Variants in MCF2L observed in about 807,000 individuals in gnomAD.
MCF2L encodes guanine nucleotide exchange factor DBS.
A neutral mutation model predicts 153.4 loss-of-function variants in MCF2L; 97 were observed. The ratio of observed to expected loss-of-function variants is 0.63; its 90% confidence interval spans 0.54 to 0.75. The LOEUF is 0.75. MCF2L is among the 30% of genes least tolerant of loss of function. The pLI is 0.00. For synonymous variants in MCF2L, 659 were observed against 632.2 expected (o/e 1.04, Z -0.64); for missense variants, 1,347 against 1,495.2 (o/e 0.90, Z 1.64).
chr13:113,045,326 T>A lies in MCF2L; in HGVS notation c.334T>A (p.Trp112Arg). 6.2e-7 allele frequency: 1 copy of A among 1,614,038 alleles called. No homozygotes were observed. The highest frequency in any genetic ancestry group is 8.5e-7 in the Non-Finnish European group (1 of 1,180,020). The change falls in exon 4 of 30, where the codon TGG becomes AGG. Residue 112 changes from tryptophan (W) to arginine (R), a missense_variant. Around this residue, in one of 3 missense-constraint regions of MCF2L, gnomAD observed 820 missense variants for 921.2 expected, o/e 0.89. Coordinates refer to ENST00000535094, the MANE Select transcript of MCF2L (RefSeq NM_001112732.3). The surrounding 1 kb of genome is among the most constrained non-coding windows in gnomAD (Gnocchi z 4.2). The part of the protein sequence containing the change: ...ILVIDRRRDK[W>R]TSVKASVLRI... ...GGTGATAGACCGGCGACGGGACAAA[T>A]GGACCTCCGTGAAGGCGTCCGTCCT...
At chr13:113,089,505 AG>A (rs1222177293) in intron 25 of MCF2L, 104 bp from the exon 26 acceptor site, 5 of 754,178 alleles carry the variant, frequency 6.6e-6, no homozygotes, top group Non-Finnish European at 1.2e-5. Flanking sequence ...CTTTAGGATC[AG>A]GCCGGGAGCT....
chr13:113,008,377 G>A (rs1440094616), intron 1 of MCF2L, among the ~76,000 whole-genome samples: 2 of 152,314 alleles, frequency 1.3e-5, no homozygotes, highest in African/African-American at 4.8e-5. Context: ...CTGGACTCCA[G>A]CAGTCACCCT....
At chr13:113,076,981 T>C in intron 12 of MCF2L, 71 bp from the exon 13 acceptor site, 1 of 1,514,004 alleles carries the variant, frequency 6.6e-7, no homozygotes, top group Non-Finnish European at 9.0e-7. Context: ...CGGCACGTTC[T>C]GCGCCTGACT....
intron 2 of MCF2L, among the ~76,000 whole-genome samples, chr13:112,940,585 C>T (rs1283963017): frequency 6.6e-6 from 1 of 152,246 alleles, no homozygotes; most frequent in Non-Finnish European, 1.5e-5. Flanking sequence ...TCCATTTTGA[C>T]TTTGAAACCT....
At chr13:113,032,973 A>C (rs1308112580) in intron 3 of MCF2L, among the ~76,000 whole-genome samples, 42 of 103,798 alleles carry the variant, frequency 4.0e-4, no homozygotes, top group East Asian at 2.5e-3. Context: ...ATGTGAGTGG[A>C]CCCTGTGATG....
chr13:113,064,258 C>A lies in MCF2L; in HGVS notation c.490-46C>A. 2 of 1,395,762 alleles carry A rather than the reference C, an allele frequency of 1.4e-6. No homozygotes were observed. The highest frequency in any genetic ancestry group is 2.0e-6 in the Non-Finnish European group (2 of 983,500). The allele number at this position is 1,395,762 out of a possible 1,614,324, so 86.5% of individuals were successfully genotyped here. On this transcript the variant is annotated intron_variant, in intron 5 of 29. Coordinates refer to ENST00000535094, the MANE Select transcript of MCF2L (RefSeq NM_001112732.3). This position sits in a 1 kb window ranked among gnomAD's most constrained non-coding sequence, Gnocchi z 6.0. ...GCTGATGGGGCAGCTCTTTTGGGAGCCAACAATAATCCCAAACACTACCAC... is the reference window on the plus strand; with the variant it reads ...GCTGATGGGGCAGCTCTTTTGGGAGACAACAATAATCCCAAACACTACCAC...
chr13:113,038,165 T>A (rs1303682402), intron 3 of MCF2L, among the ~76,000 whole-genome samples: 2 of 152,128 alleles, frequency 1.3e-5, no homozygotes, highest in African/African-American at 2.4e-5. Context: ...TGCAAAATGT[T>A]ATTGAAAGAA....
intron 2 of MCF2L, 71 bp downstream of exon 2, chr13:113,014,917 G>A (rs1241548460): frequency 1.1e-5 from 16 of 1,424,644 alleles, no homozygotes; most frequent in East Asian, 6.9e-5. Context: ...AGCAGCCCCC[G>A]TGGCCTGGCC....
In MCF2L at chr13:113,060,640, G is replaced by A. The variant is rs141848502; in HGVS notation, c.417G>A (p.Thr139=). 9.3e-6 allele frequency: 15 copies of A among 1,613,642 alleles called. No homozygotes were observed. The highest frequency in any genetic ancestry group is 1.2e-5 in the Non-Finnish European group (14 of 1,179,984). The part of the protein sequence containing the change: ...NLQLVLVLRP[T]GFFQRTLSDI... Reference sequence around the variant, plus strand: ...AGCTCGTCCTCGTGCTTCGCCCGACGGGTTTTTTCCAAAGGACTCTCTCCG... The same window carrying A: ...AGCTCGTCCTCGTGCTTCGCCCGACAGGTTTTTTCCAAAGGACTCTCTCCG... The change falls in exon 5 of 30, where the codon ACG becomes ACA. Residue 139 remains threonine, a synonymous_variant. Transcript: ENST00000535094.
intron 2 of MCF2L, among the ~76,000 whole-genome samples, chr13:112,908,340 G>A (rs1594305636): frequency 1.3e-5 from 2 of 152,316 alleles, no homozygotes; most frequent in East Asian, 3.9e-4. Context: ...TAAATGGACT[G>A]TTCTGAATGG....
chr13:113,014,786 G>A lies in MCF2L; in HGVS notation c.103G>A (p.Val35Ile). ...AGATGAAATCATGCACCAGGACATC[G>A]TCCCGCTCTGTGCTGCCGACATCCA... ...HTDEIMHQDI[V>I]PLCAADIQDQ... The change falls in exon 2 of 30, where the codon GTC (valine) becomes ATC (isoleucine). Residue 35 changes from valine (V) to isoleucine (I), a missense_variant. This residue lies in a region of MCF2L where 820 missense variants were observed against 921.2 expected (regional missense o/e 0.89). Transcript: ENST00000535094. 3 of 1,614,020 alleles carry A rather than the reference G, an allele frequency of 1.9e-6. No homozygotes were observed. The highest frequency in any genetic ancestry group is 1.3e-5 in the African/African-American group (1 of 75,048).
rs116702334 is a variant in MCF2L at position 112,919,142 on chromosome 13, T to C, written c.169+16771T>C. On this transcript the variant is annotated intron_variant, in intron 2 of 29. Coordinates refer to the MCF2L transcript ENST00000375608. ...AGATATAAAACCACACAATATAACT[T>C]TTAGTTTTTAGGCATTTTTTCAATT... 9.4e-3 allele frequency among the ~76,000 whole-genome samples: 1,434 copies of C among 152,230 alleles called. 22 individuals carry two copies. Among genetic ancestry groups the C allele is most frequent in the African/African-American group, 0.033 (1,382 of 41,498 alleles).
intron 3 of MCF2L, among the ~76,000 whole-genome samples, chr13:113,039,003 G>A (rs903907848): frequency 1.1e-4 from 17 of 152,230 alleles, no homozygotes; most frequent in Middle Eastern, 3.4e-3. Context: ...GACTACAGGC[G>A]CCCGCCACCA....
Position 113,045,011 on chromosome 13 carries a change from C to A in MCF2L, c.279-260C>A. The A allele has an allele frequency of 7.5e-7, 1 of 1,329,766 alleles. No individual in the cohort carries two copies. The allele number at this position is 1,329,766 out of a possible 1,614,324, so 82.4% of individuals were successfully genotyped here. On this transcript the variant is annotated intron_variant, in intron 3 of 29. Coordinates refer to ENST00000535094, the MANE Select transcript of MCF2L (RefSeq NM_001112732.3). This position sits in a 1 kb window ranked among gnomAD's most constrained non-coding sequence, Gnocchi z 4.2. ...TCGGGAGAGATGGTTCTGCCTCAATCTGTGACTCGAGGTGGTTGGTGTTAG... is the reference window on the plus strand; with the variant it reads ...TCGGGAGAGATGGTTCTGCCTCAATATGTGACTCGAGGTGGTTGGTGTTAG...
chr13:113,026,761 C>G, intron 3 of MCF2L: 1 of 599,414 alleles, frequency 1.7e-6, no homozygotes, highest in Non-Finnish European at 3.0e-6. Flanking sequence ...CCAGAAAATC[C>G]AGTTAACAAA....
At chr13:112,976,777 G>T (rs538536315) in intron 1 of MCF2L, among the ~76,000 whole-genome samples, 1 of 152,322 alleles carries the variant, frequency 6.6e-6, no homozygotes, top group South Asian at 2.1e-4. Context: ...ACAGAGCCGT[G>T]AGGAGACACA....
intron 2 of MCF2L, among the ~76,000 whole-genome samples, chr13:112,918,581 G>A (rs3011501): frequency 0.067 from 10,183 of 152,212 alleles, 358 homozygotes; most frequent in South Asian, 0.14. Flanking sequence ...CCTGGGGGAT[G>A]CAGGGGCGTG....
intron 1 of MCF2L, among the ~76,000 whole-genome samples, chr13:112,996,816 C>A (rs1214464883): frequency 6.6e-6 from 1 of 152,214 alleles, no homozygotes; most frequent in Non-Finnish European, 1.5e-5. Context: ...GCCCACGGCA[C>A]CTGGACGGGG....
Position 112,932,289 on chromosome 13 carries a change from C to G in MCF2L, c.169+29918C>G, listed in dbSNP as rs560838124. ...CCTCCCCAAGCACATCCTCCCCACTCCAATCATGAGAAGGACGTCAGAGTT... is the reference window on the plus strand; with the variant it reads ...CCTCCCCAAGCACATCCTCCCCACTGCAATCATGAGAAGGACGTCAGAGTT... On this transcript the variant is annotated intron_variant, in intron 2 of 29. Transcript: ENST00000375608. This position sits in a 1 kb window ranked among gnomAD's most constrained non-coding sequence, Gnocchi z 4.6. Among the ~76,000 whole-genome samples, 1 of 152,260 alleles carries G rather than the reference C, an allele frequency of 6.6e-6. No individual in the cohort carries two copies. Among genetic ancestry groups the G allele is most frequent in the South Asian group, 2.1e-4 (1 of 4,822 alleles).
Sources: gnomAD v4.1 joint callset for allele counts (sites outside exome capture counted in the v4.1 genomes callset) on GRCh38, gnomAD v4.1.1 for gene constraint, gnomAD v4.1.1 regional missense constraint, Gnocchi (gnomAD v3.1) non-coding constraint, MANE v1.5 for transcripts, NCBI Gene and HGNC (gene_info 2026-07-23, HGNC 2026-07-21) for gene names.